The following SLC35F4 variants were observed in gnomAD, a reference collection of about 807,000 sequenced individuals.
SLC35F4 encodes solute carrier family 35 member F4.
Under a neutral mutation model 44.2 loss-of-function variants are expected in SLC35F4, and 24 were observed. The ratio of observed to expected loss-of-function variants is 0.54; its 90% CI spans 0.39 to 0.76. The LOEUF is 0.76. SLC35F4 is among the 30% of genes least tolerant of loss of function. SLC35F4 has a pLI of 0.00. For missense variants in SLC35F4, 562 were observed against 586.1 expected, an observed-to-expected ratio of 0.96 and a Z score of 0.42; for synonymous variants, 238 against 223.6, an observed-to-expected ratio of 1.06 and a Z score of -0.57.
chr14:57,658,845 T>C (rs924057260), intron 1 of SLC35F4, among the ~76,000 whole-genome samples: 2 of 152,186 alleles, frequency 1.3e-5, no homozygotes, highest in African/African-American at 4.8e-5. Flanking sequence ...TATATATTTC[T>C]AGTGAAGGAA....
At chr14:57,577,308 A>T (rs1280073623) in intron 4 of SLC35F4, among the ~76,000 whole-genome samples, 1 of 152,130 alleles carries the variant, frequency 6.6e-6, no homozygotes, top group South Asian at 2.1e-4. Flanking sequence ...TAGATCCTGG[A>T]AAGTCTTTGA....
intron 1 of SLC35F4, among the ~76,000 whole-genome samples, chr14:57,898,121 G>C (rs1398518565): frequency 6.7e-6 from 1 of 149,092 alleles, no homozygotes; most frequent in Non-Finnish European, 1.5e-5. Flanking sequence ...CCACTCAAAA[G>C]TAACAACTTG....
At chr14:57,618,347 C>T (rs528771065) in intron 1 of SLC35F4, among the ~76,000 whole-genome samples, 6 of 152,284 alleles carry the variant, frequency 3.9e-5, no homozygotes, top group Admixed American at 3.3e-4. Context: ...TGGTTCATCT[C>T]CCTGGGACTG....
chr14:57,850,553 T>G (rs1382847042), intron 1 of SLC35F4, among the ~76,000 whole-genome samples: 1 of 152,246 alleles, frequency 6.6e-6, no homozygotes, highest in Non-Finnish European at 1.5e-5. Flanking sequence ...AGCCCATTCA[T>G]AGAACAATTC....
At chr14:57,971,433 C>T (rs1447124163) in intron 1 of SLC35F4, among the ~76,000 whole-genome samples, 1 of 152,146 alleles carries the variant, frequency 6.6e-6, no homozygotes, top group Non-Finnish European at 1.5e-5. Context: ...AAAACAAAAG[C>T]TGGTAAAAAG....
chr14:57,860,511 CATG>C, intron 1 of SLC35F4, among the ~76,000 whole-genome samples: 1 of 152,218 alleles, frequency 6.6e-6, no homozygotes, highest in Middle Eastern at 3.4e-3. Flanking sequence ...CAAGAAAATC[CATG>C]TCCACCAAGA....
chr14:57,603,755 A>C (rs2070981041), intron 1 of SLC35F4, among the ~76,000 whole-genome samples: 1 of 152,116 alleles, frequency 6.6e-6, no homozygotes, highest in Admixed American at 6.5e-5. Flanking sequence ...CCAGTCAGTA[A>C]ATCTTCATTT....
At chr14:57,583,119 C>T (rs1566643642) in intron 3 of SLC35F4, among the ~76,000 whole-genome samples, 1 of 152,132 alleles carries the variant, frequency 6.6e-6, no homozygotes, top group Non-Finnish European at 1.5e-5. Flanking sequence ...ACTTTAAAGC[C>T]TTCTGTAATG....
intron 1 of SLC35F4, among the ~76,000 whole-genome samples, chr14:57,887,902 T>A (rs1888685146): frequency 6.6e-6 from 1 of 152,166 alleles, no homozygotes; most frequent in South Asian, 2.1e-4. Context: ...CACACGCACA[T>A]GCACACCATT....
chr14:57,583,193 C>A (rs1013465527), intron 3 of SLC35F4, among the ~76,000 whole-genome samples: 13 of 152,160 alleles, frequency 8.5e-5, no homozygotes, highest in African/African-American at 3.1e-4. Flanking sequence ...AGCCCCACAG[C>A]CAATGGGATA....
intron 1 of SLC35F4, among the ~76,000 whole-genome samples, chr14:57,633,540 A>G (rs1245345792): frequency 2.6e-5 from 4 of 152,166 alleles, no homozygotes; most frequent in African/African-American, 9.6e-5. Flanking sequence ...TTAGACTCAC[A>G]TAAAAGTTGC....
intron 1 of SLC35F4, among the ~76,000 whole-genome samples, chr14:57,920,612 C>A (rs1421708692): frequency 1.3e-5 from 2 of 152,160 alleles, no homozygotes; most frequent in Non-Finnish European, 2.9e-5. Flanking sequence ...CCAATTACTT[C>A]ACATGGGATT....
At chr14:57,626,590 C>A (rs1456462291) in intron 1 of SLC35F4, among the ~76,000 whole-genome samples, 4 of 152,106 alleles carry the variant, frequency 2.6e-5, no homozygotes, top group African/African-American at 9.7e-5. Flanking sequence ...TTAAATTGCA[C>A]ACTCAACAAG....
At chr14:57,583,677 CTTCCCCTTTCT>C (rs2069469254) in intron 3 of SLC35F4, among the ~76,000 whole-genome samples, 1 of 152,202 alleles carries the variant, frequency 6.6e-6, no homozygotes, top group South Asian at 2.1e-4. Context: ...TTCCCTCGTT[CTTCCCCTTTCT>C]TTCCCCTTCT....
chr14:57,933,568 CTGA>C (rs1211948722), intron 1 of SLC35F4, among the ~76,000 whole-genome samples: 1 of 152,184 alleles, frequency 6.6e-6, no homozygotes, highest in African/African-American at 2.4e-5. Flanking sequence ...TACCAGTCAG[CTGA>C]GTGGCTGAGT....
chr14:57,595,474 G>C (rs577850556), intron 1 of SLC35F4, among the ~76,000 whole-genome samples: 6 of 152,202 alleles, frequency 3.9e-5, no homozygotes, highest in Non-Finnish European at 4.4e-5. Flanking sequence ...ACTAAGTCCA[G>C]CCCACACTCT....
At chr14:57,942,469 G>T (rs911883474) in intron 1 of SLC35F4, among the ~76,000 whole-genome samples, 1 of 152,108 alleles carries the variant, frequency 6.6e-6, no homozygotes, top group Admixed American at 6.6e-5. Context: ...AACTTCAGAT[G>T]ACTTTTTTTG....
chr14:57,889,248 T>C (rs1028750221), intron 1 of SLC35F4, among the ~76,000 whole-genome samples: 1 of 152,242 alleles, frequency 6.6e-6, no homozygotes, highest in Non-Finnish European at 1.5e-5. Context: ...AACACTGCCA[T>C]GCGGTGCAGC....
chr14:57,934,487 G>A (rs925354547), intron 1 of SLC35F4, among the ~76,000 whole-genome samples: 13 of 151,840 alleles, frequency 8.6e-5, no homozygotes, highest in African/African-American at 2.7e-4. Context: ...AAGTCACCCT[G>A]TAGTTCATTG....
Sources: gnomAD v4.1 joint callset for allele counts (sites outside exome capture counted in the v4.1 genomes callset) on GRCh38, gnomAD v4.1.1 for gene constraint, MANE v1.5 for transcripts, NCBI Gene and HGNC (gene_info 2026-07-23, HGNC 2026-07-21) for gene names.